The following MTAP variants were observed in gnomAD, a reference collection of about 807,000 sequenced individuals.
MTAP encodes the protein methylthioadenosine phosphorylase.
A neutral mutation model predicts 33.6 loss-of-function variants in MTAP; 33 were observed. That is an observed-to-expected ratio of 0.98 (90% confidence interval 0.74 to 1.31). The LOEUF is 1.31. Ranked by LOEUF, MTAP falls within the 40% of genes most tolerant of loss-of-function variation. MTAP has a pLI of 0.00. For missense variants in MTAP, 367 were observed against 360.0 expected (o/e 1.02, Z -0.16); for synonymous variants, 148 against 125.7 (o/e 1.18, Z -1.19).
chr9:21,822,951 G>A (rs563422667), intron 4 of MTAP, among the ~76,000 whole-genome samples: 10 of 152,058 alleles, frequency 6.6e-5, no homozygotes, highest in African/African-American at 1.4e-4. Flanking sequence ...GGATTGCAAC[G>A]ACTGCCTTTT....
chr9:21,890,731 C>T (rs191136398), intron 1 of MTAP, among the ~76,000 whole-genome samples: 175 of 152,244 alleles, frequency 1.1e-3, no homozygotes, highest in African/African-American at 4.1e-3. Context: ...TCAGGTTCCC[C>T]AGTGAGGATG....
chr9:21,890,283 C>T (rs1036408073), intron 1 of MTAP, among the ~76,000 whole-genome samples: 10 of 152,090 alleles, frequency 6.6e-5, no homozygotes, highest in African/African-American at 2.4e-4. Flanking sequence ...CAGTCTCACT[C>T]CCACCACCAG....
intron 1 of MTAP, among the ~76,000 whole-genome samples, chr9:21,895,974 C>T (rs1818285394): frequency 6.6e-6 from 1 of 152,214 alleles, no homozygotes; most frequent in Non-Finnish European, 1.5e-5. Context: ...CTCAGCACCA[C>T]ACTGCACCTA....
intron 1 of MTAP, among the ~76,000 whole-genome samples, chr9:21,875,539 C>G (rs755690500): frequency 1.2e-4 from 18 of 151,888 alleles, no homozygotes; most frequent in Non-Finnish European, 2.4e-4. Context: ...TTTCTCTGCT[C>G]CTCACCCTCC....
At chr9:21,899,607 G>C (rs377546354) in intron 1 of MTAP, among the ~76,000 whole-genome samples, 1 of 152,126 alleles carries the variant, frequency 6.6e-6, no homozygotes, top group South Asian at 2.1e-4. Flanking sequence ...CAGGGTGGCA[G>C]GACAGAGTGA....
At chr9:21,917,853 C>T (rs947807105) in intron 1 of MTAP, among the ~76,000 whole-genome samples, 1 of 152,034 alleles carries the variant, frequency 6.6e-6, no homozygotes, top group East Asian at 1.9e-4. Flanking sequence ...GCCCATCGAC[C>T]GAGTTGATAA....
chr9:21,831,235 A>G (rs759894958), intron 4 of MTAP, among the ~76,000 whole-genome samples: 4 of 152,194 alleles, frequency 2.6e-5, no homozygotes, highest in East Asian at 3.8e-4. Context: ...TCTCTTTACC[A>G]TTAATCCTGA....
chr9:21,822,044 T>C (rs1824656327), intron 4 of MTAP, among the ~76,000 whole-genome samples: 1 of 152,154 alleles, frequency 6.6e-6, no homozygotes, highest in Admixed American at 6.5e-5. Context: ...GTCTTGCTAG[T>C]GGTCTATCAA....
At chr9:21,819,653 C>T (rs945105051) in intron 4 of MTAP, among the ~76,000 whole-genome samples, 51 of 152,170 alleles carry the variant, frequency 3.4e-4, no homozygotes, top group Non-Finnish European at 5.7e-4. Flanking sequence ...TGGGTATATA[C>T]CCAGTAATGG....
At chr9:21,828,471 C>T (rs373762660) in intron 4 of MTAP, among the ~76,000 whole-genome samples, 104 of 152,084 alleles carry the variant, frequency 6.8e-4, no homozygotes, top group Admixed American at 2.0e-3. Context: ...GTCAGGAGTT[C>T]GAGACCAGCC....
At chr9:21,882,806 T>TA (rs1273898503) in intron 1 of MTAP, among the ~76,000 whole-genome samples, 3 of 152,002 alleles carry the variant, frequency 2.0e-5, no homozygotes, top group Non-Finnish European at 2.9e-5. Context: ...TGTTTAATAG[T>TA]AAAAAATAAT....
downstream of MTAP, chr9:21,940,923 A>C (rs1440507975): frequency 1.3e-6 from 1 of 795,890 alleles, no homozygotes; most frequent in Non-Finnish European, 1.5e-6. Flanking sequence ...AACCCCCAGA[A>C]GTGGAAAGGG....
chr9:21,869,759 C>G (rs1268573415), downstream of MTAP, among the ~76,000 whole-genome samples: 31 of 152,188 alleles, frequency 2.0e-4, no homozygotes, highest in Admixed American at 2.0e-3. Flanking sequence ...TGCTTCCAAC[C>G]TAGTCTGAGC....
intron 4 of MTAP, 105 bp downstream of exon 4, chr9:21,818,307 G>C: frequency 1.8e-5 from 7 of 384,606 alleles, no homozygotes; most frequent in East Asian, 1.9e-4. Context: ...CAGTGCCACA[G>C]ACTCGCTTGC....
At chr9:21,929,582 G>T in intron 1 of MTAP, 1 of 367,274 alleles carries the variant, frequency 2.7e-6, no homozygotes. Context: ...TCCACCAAAT[G>T]CTGGTTATGT....
intron 3 of MTAP, among the ~76,000 whole-genome samples, chr9:21,817,497 G>A (rs766804877): frequency 6.6e-6 from 1 of 151,980 alleles, no homozygotes; most frequent in South Asian, 2.1e-4. Flanking sequence ...CTCCCTAGAA[G>A]TTACAGGGCG....
chr9:21,804,676 T>G lies in MTAP; in HGVS notation c.33+1895T>G, dbSNP rs370886556. Among the ~76,000 whole-genome samples the G allele has an allele frequency of 6.6e-5, 10 of 151,752 alleles. No individual in the cohort carries two copies. The East Asian group carries it at 1.4e-3, about 21-fold the overall frequency. ...TGAGGTGCCAGTGTCCAGAGCAAAA[T>G]AGGTTAATAAAAACCACATCCTATT... On this transcript the variant is annotated intron_variant, in intron 1 of 7. Coordinates refer to ENST00000644715, the MANE Select transcript of MTAP (RefSeq NM_002451.4).
chr9:21,830,096 A>G (rs567031386), intron 4 of MTAP, among the ~76,000 whole-genome samples: 1 of 152,222 alleles, frequency 6.6e-6, no homozygotes, highest in South Asian at 2.1e-4. Context: ...TTCTCATTCA[A>G]GTAAATTCCA....
At chr9:21,849,066 G>A (rs1212694072) in intron 5 of MTAP, among the ~76,000 whole-genome samples, 1 of 145,030 alleles carries the variant, frequency 6.9e-6, no homozygotes, top group Non-Finnish European at 1.5e-5. Flanking sequence ...AGGTCAAATG[G>A]ACAAAAAACT....
Sources: allele counts gnomAD v4.1 joint callset (sites outside exome capture counted in the v4.1 genomes callset), GRCh38; gene constraint gnomAD v4.1.1; transcripts MANE v1.5; gene names NCBI Gene and HGNC (gene_info 2026-07-23, HGNC 2026-07-21).